VSIG10L: variants seen among roughly 807,000 people sequenced by gnomAD.
VSIG10L encodes V-set and immunoglobulin domain-containing protein 10-like.
A neutral mutation model predicts 67.3 loss-of-function variants in VSIG10L; 63 were observed. The ratio of observed to expected loss-of-function variants is 0.94; its 90% CI spans 0.76 to 1.15. The LOEUF (loss-of-function observed/expected upper bound fraction) is 1.15. Among genes scored for constraint, VSIG10L ranks in the 50% most tolerant of loss-of-function variants. The pLI is 0.00. For synonymous variants in VSIG10L, 499 were observed against 524.9 expected (o/e 0.95, Z 0.67); for missense variants, 1,050 against 1,177.5 (o/e 0.89, Z 1.58).
rs138686911 is a variant in VSIG10L at position 51,337,012 on chromosome 19, C to T, written c.2305+226G>A. ...CGATCTCCTGACCTCGTGATCCACCCGCCTTGGCCTCCCAAAGTGCTGGGA... is the reference window on the plus strand; with the variant it reads ...CGATCTCCTGACCTCGTGATCCACCTGCCTTGGCCTCCCAAAGTGCTGGGA... On this transcript the variant is annotated intron_variant, in intron 7 of 9. Coordinates refer to ENST00000335624, the MANE Select transcript of VSIG10L (RefSeq NM_001163922.3). Among the ~76,000 whole-genome samples the T allele has an allele frequency of 0.012, 1,752 of 152,140 alleles. 27 individuals are homozygous for T. Among genetic ancestry groups the T allele is most frequent in the African/African-American group, 0.039 (1,631 of 41,516 alleles).
chr19:51,340,363 G>A lies in VSIG10L; in HGVS notation c.1190-64C>T. On this transcript the variant is annotated intron_variant, in intron 3 of 9. Transcript: ENST00000335624. This position sits in a 1 kb window ranked among gnomAD's most constrained non-coding sequence, Gnocchi z 6.3. ...CACCTGGGACGCCGCTAGGACTCCC[G>A]GAGACTGGGTCCCCAGCCCGCTTCT... The A allele has an allele frequency of 6.8e-7, 1 of 1,463,962 alleles. No individual in the cohort carries two copies. Among genetic ancestry groups the A allele is most frequent in the Non-Finnish European group, 9.0e-7 (1 of 1,107,404 alleles). 90.7% of individuals were successfully genotyped at this position (1,463,962 alleles called of 1,614,324 possible).
In VSIG10L at chr19:51,333,776, G is replaced by T. The variant is rs1474789794; in HGVS notation, c.2574+15C>A. 4 of 1,521,656 alleles carry T rather than the reference G, an allele frequency of 2.6e-6. 1 individual carries two copies. The South Asian group carries it at 5.0e-5, about 19-fold the overall frequency. The allele number at this position is 1,521,656 out of a possible 1,614,324, so 94.3% of individuals were successfully genotyped here. ...CGCCCCGATTCCAGGAGGAAATGAG[G>T]GCACCCACACTCACTTGGTAGGCCC... On this transcript the variant is annotated intron_variant, in intron 9 of 9. Transcript: ENST00000335624.
At chr19:51,333,551 A>T (rs575448270) in intron 9 of VSIG10L, among the ~76,000 whole-genome samples, 1 of 151,548 alleles carries the variant, frequency 6.6e-6, no homozygotes, top group Non-Finnish European at 1.5e-5. Context: ...AAAGAGAGAG[A>T]GAGATCCTAT....
chr19:51,341,457 GCC>G lies in VSIG10L; in HGVS notation c.589_590del (p.Gly197ProfsTer61), dbSNP rs918331989. ...TGGTCCCCACCAGCACAGCGAGTGG[GCC>G]CCCCACCTGCTGGGGAAAGCTTGCA... Reference protein sequence around the residue: ...SAASFPQQVGGPLAVLVGTTI... With the variant: ...SAASFPQQVGXPLAVLVGTTI... On this transcript the variant is annotated frameshift_variant, in exon 2 of 10. Transcript: ENST00000335624. LOFTEE classifies it high-confidence loss of function. The G allele has an allele frequency of 6.5e-7, 1 of 1,542,834 alleles. No individual in the cohort carries two copies. The highest frequency in any genetic ancestry group is 1.4e-5 in the African/African-American group (1 of 72,668).
At chr19:51,332,997 G>C (rs1279224285) in intron 9 of VSIG10L, among the ~76,000 whole-genome samples, 2 of 152,026 alleles carry the variant, frequency 1.3e-5, no homozygotes, top group African/African-American at 2.4e-5. Flanking sequence ...CTACAGGTAC[G>C]TGCCACCATG....
chr19:51,332,232 C>A lies in VSIG10L; in HGVS notation c.*379G>T. 2 of 359,504 alleles carry A rather than the reference C, an allele frequency of 5.6e-6. No homozygotes were observed. The highest frequency in any genetic ancestry group is 7.0e-5 in the East Asian group (1 of 14,296). The allele number at this position is 359,504 out of a possible 1,614,324, so 22.3% of individuals were successfully genotyped here. A position where few individuals can be genotyped will look rare whatever the true frequency, so the allele number is the denominator to read the frequency against. On this transcript the variant is annotated 3_prime_UTR_variant, in exon 10 of 10. Transcript: ENST00000335624. Reference sequence around the variant, plus strand: ...TGCTGGGAGCTGGATGGGGTGTGGCCTACAGGTGGCAAAGTGAATGTAAGG... The same window carrying A: ...TGCTGGGAGCTGGATGGGGTGTGGCATACAGGTGGCAAAGTGAATGTAAGG...
In VSIG10L at chr19:51,337,476, C is replaced by T. The variant is rs746382772; in HGVS notation, c.2067G>A (p.Trp689Ter). 2 of 1,550,916 alleles carry T rather than the reference C, an allele frequency of 1.3e-6. No homozygotes were observed. Among genetic ancestry groups the T allele is most frequent in the Non-Finnish European group, 8.7e-7 (1 of 1,146,420 alleles). Residue 689 changes from tryptophan to a stop codon, truncating the protein, a stop_gained, in exon 7 of 10, where the codon TGG becomes TGA. Coordinates refer to ENST00000335624, the MANE Select transcript of VSIG10L (RefSeq NM_001163922.3). LOFTEE classifies it high-confidence loss of function. ...TGATCAGGGCCCCGCGCTCCACATCCCAAGTCAGCACGGCTGCATCTCTGG... is the reference window on the plus strand; with the variant it reads ...TGATCAGGGCCCCGCGCTCCACATCTCAAGTCAGCACGGCTGCATCTCTGG... The part of the protein sequence containing the change: ...QRARDAAVLT[W>*]DVERGALISS...
Position 51,337,488 on chromosome 19 carries a change from G to A in VSIG10L, c.2055C>T (p.Ala685=), listed in dbSNP as rs552500008. ...CGCGCTCCACATCCCAAGTCAGCACGGCTGCATCTCTGGCTCTCTGAAGCC... is the reference window on the plus strand; with the variant it reads ...CGCGCTCCACATCCCAAGTCAGCACAGCTGCATCTCTGGCTCTCTGAAGCC... The part of the protein sequence containing the change: ...SWRLQRARDA[A]VLTWDVERGA... The change falls in exon 7 of 10, where the codon GCC becomes GCT. Residue 685 remains alanine (A), a synonymous_variant. Coordinates refer to ENST00000335624, the MANE Select transcript of VSIG10L (RefSeq NM_001163922.3). The A allele has an allele frequency of 1.9e-5, 29 of 1,549,202 alleles. No homozygotes were observed. In the Admixed American group the frequency reaches 3.1e-4, roughly 17 times the overall value.
Position 51,333,048 on chromosome 19 carries a change from C to T in VSIG10L, c.2575-408G>A, listed in dbSNP as rs1568461454. On this transcript the variant is annotated intron_variant, in intron 9 of 9. Coordinates refer to ENST00000335624, the MANE Select transcript of VSIG10L (RefSeq NM_001163922.3). The stretch of plus-strand genomic sequence containing the variant: ...AATTTTTTGTAGAGATGGGGTATCC[C>T]TATGTTGCCCAAGCTGGTATCGAAC... Among the ~76,000 whole-genome samples the T allele has an allele frequency of 3.3e-5, 5 of 152,040 alleles. No homozygotes were observed. The South Asian group carries it at 1.0e-3, about 31-fold the overall frequency.
At position 51,337,927 on chromosome 19, in the gene VSIG10L, C is replaced by T; in HGVS notation, c.2008+3G>A. 6.5e-7 allele frequency: 1 copy of T among 1,536,080 alleles called. No individual in the cohort carries two copies. The highest frequency in any genetic ancestry group is 8.8e-7 in the Non-Finnish European group (1 of 1,138,224). ...CAGGGTTTTTTGAAATAACGTGGCT[C>T]ACCAATGAGGGTGATCTGGTCACCG... On this transcript the variant is annotated splice_donor_region_variant and intron_variant, in intron 6 of 9. Coordinates refer to ENST00000335624, the MANE Select transcript of VSIG10L (RefSeq NM_001163922.3).
At position 51,339,999 on chromosome 19, in the gene VSIG10L, C is replaced by G. The variant is rs749528889; in HGVS notation, c.1474+16G>C. On this transcript the variant is annotated intron_variant, in intron 4 of 9. Transcript: ENST00000335624. ...CCTCTCCCAGGCATTCCCCTACTCC[C>G]GCTCCAGCCTCTCACCCGCCACTGT... The G allele has an allele frequency of 4.4e-6, 6 of 1,375,708 alleles. No individual in the cohort carries two copies. Among genetic ancestry groups the G allele is most frequent in the Non-Finnish European group, 4.7e-6 (5 of 1,068,548 alleles). 85.2% of individuals were successfully genotyped at this position (1,375,708 alleles called of 1,614,324 possible).
intron 7 of VSIG10L, among the ~76,000 whole-genome samples, chr19:51,336,763 A>ATTTTTTTTT (rs942291893): frequency 1.0e-5 from 1 of 97,064 alleles, no homozygotes; most frequent in Non-Finnish European, 1.9e-5. Flanking sequence ...CGACACCTTG[A>ATTTTTTTTT]TTTTTTTTTT....
chr19:51,332,873 A>G (rs1047641655), intron 9 of VSIG10L, among the ~76,000 whole-genome samples: 3 of 151,186 alleles, frequency 2.0e-5, no homozygotes, highest in Non-Finnish European at 4.4e-5. Flanking sequence ...ATTTTGAGAC[A>G]GGGTCTCACT....
Position 51,332,839 on chromosome 19 carries a change from T to TTTTATTTA in VSIG10L, c.2575-207_2575-200dup, listed in dbSNP as rs765529298. On this transcript the variant is annotated intron_variant, in intron 9 of 9. Transcript: ENST00000335624. The stretch of plus-strand genomic sequence containing the variant: ...CCAACAACCCAACCCAGTTGTTATT[T>TTTTATTTA]TTTATTTATTTATTTATTTATTTAT... Among the ~76,000 whole-genome samples the TTTTATTTA allele has an allele frequency of 6.8e-3, 1,040 of 151,886 alleles. 13 individuals are homozygous for TTTTATTTA. Among genetic ancestry groups the TTTTATTTA allele is most frequent in the African/African-American group, 0.024 (981 of 41,370 alleles).
rs768946792 is a variant in VSIG10L at position 51,338,221 on chromosome 19, G to C, written c.1730-13C>G. 163 of 1,458,586 alleles carry C rather than the reference G, an allele frequency of 1.1e-4. No individual in the cohort carries two copies. The highest frequency in any genetic ancestry group is 1.4e-4 in the Non-Finnish European group (155 of 1,104,526). The allele number at this position is 1,458,586 out of a possible 1,614,324, so 90.4% of individuals were successfully genotyped here. On this transcript the variant is annotated splice_polypyrimidine_tract_variant and intron_variant, in intron 5 of 9. Coordinates refer to ENST00000335624, the MANE Select transcript of VSIG10L (RefSeq NM_001163922.3). ...TCTCGGGGGGCCTCTGCCGGTGGGA[G>C]AAGTCCAGTTAAGAAAGTCAAGACC...
intron 6 of VSIG10L, 44 bp from the exon 7 acceptor site, chr19:51,337,578 G>A: frequency 7.6e-7 from 1 of 1,315,324 alleles, no homozygotes; most frequent in Non-Finnish European, 1.0e-6. Flanking sequence ...TGCCAGAGGG[G>A]AGAGGGAAGG....
chr19:51,333,190 C>G (rs930269870), intron 9 of VSIG10L, among the ~76,000 whole-genome samples: 12 of 152,014 alleles, frequency 7.9e-5, no homozygotes, highest in Admixed American at 7.9e-4. Context: ...TAACTGTACC[C>G]CACTTCATAG....
intron 4 of VSIG10L, 159 bp downstream of exon 4, chr19:51,339,848 CACGGGTAT>C: frequency 1.1e-6 from 1 of 902,484 alleles, no homozygotes; most frequent in Admixed American, 4.7e-5. Flanking sequence ...CCCGCCCCAC[CACGGGTAT>C]CCCAGCTCCT....
Position 51,340,247 on chromosome 19 carries a change from A to T in VSIG10L, c.1242T>A (p.Pro414=). 6.6e-7 allele frequency: 1 copy of T among 1,513,334 alleles called. No individual in the cohort carries two copies. Among genetic ancestry groups the T allele is most frequent in the East Asian group, 2.7e-5 (1 of 37,628 alleles). 93.7% of individuals were successfully genotyped at this position (1,513,334 alleles called of 1,614,324 possible). Residue 414 remains proline, a synonymous_variant, in exon 4 of 10, where the codon CCT becomes CCA. Coordinates refer to ENST00000335624, the MANE Select transcript of VSIG10L (RefSeq NM_001163922.3). This position sits in a 1 kb window ranked among gnomAD's most constrained non-coding sequence, Gnocchi z 6.3. The stretch of plus-strand genomic sequence containing the variant: ...TACTGCCCGCGGTGACAAAGCGGGC[A>T]GGCGCGGCGTCGCGGTCCGAGGAGA... The part of the protein sequence containing the change: ...ITVSSDRDAA[P]ARFVTAGSNV...
Sources: allele counts gnomAD v4.1 joint callset (sites outside exome capture counted in the v4.1 genomes callset), GRCh38; gene constraint gnomAD v4.1.1; non-coding constraint Gnocchi (gnomAD v3.1); transcripts MANE v1.5; gene names NCBI Gene and HGNC (gene_info 2026-07-23, HGNC 2026-07-21).